Variants in ULK4 observed in about 807,000 individuals in gnomAD.
The protein encoded by ULK4 is inactive serine/threonine-protein kinase ULK4.
Under a neutral mutation model 160.6 loss-of-function variants are expected in ULK4, and 133 were observed. The ratio of observed to expected loss-of-function variants is 0.83; its 90% CI spans 0.72 to 0.96. The LOEUF (loss-of-function observed/expected upper bound fraction) is 0.96, where lower values mean the gene tolerates loss of function less well. Ranked by LOEUF, ULK4 falls within the 40% of genes least tolerant of loss-of-function variation. ULK4 has a pLI of 0.00. For missense variants in ULK4, 1,580 were observed against 1,499.5 expected (o/e 1.05, Z -0.89); for synonymous variants, 534 against 539.8 (o/e 0.99, Z 0.15).
intron 17 of ULK4, among the ~76,000 whole-genome samples, chr3:41,842,479 T>G (rs1362757536): frequency 6.6e-6 from 1 of 152,180 alleles, no homozygotes. Flanking sequence ...GTGGTAGGTA[T>G]TTGTATGATG....
intron 23 of ULK4, 126 bp from the exon 24 acceptor site, chr3:41,715,694 T>C: frequency 2.4e-6 from 3 of 1,246,688 alleles, no homozygotes; most frequent in Admixed American, 2.5e-5. Flanking sequence ...TAAGCAGATA[T>C]ACTTATTCAC....
At chr3:41,805,095 C>T (rs1354535015) in intron 19 of ULK4, among the ~76,000 whole-genome samples, 7 of 152,146 alleles carry the variant, frequency 4.6e-5, no homozygotes, top group African/African-American at 7.2e-5. Context: ...TTTCACGATA[C>T]TGATTCTTCC....
chr3:41,431,844 C>A (rs1352930468), intron 34 of ULK4, among the ~76,000 whole-genome samples: 1 of 145,952 alleles, frequency 6.9e-6, no homozygotes, highest in Non-Finnish European at 1.5e-5. Flanking sequence ...GGCTGGAGTG[C>A]AGTGGCGCGA....
chr3:41,542,699 C>G (rs1053638756), intron 32 of ULK4, among the ~76,000 whole-genome samples: 1 of 152,062 alleles, frequency 6.6e-6, no homozygotes, highest in Non-Finnish European at 1.5e-5. Context: ...AATTTCAGAA[C>G]TTATTATTGG....
At chr3:41,766,824 G>C (rs182746577) in intron 21 of ULK4, 4 of 152,216 alleles carry the variant, frequency 2.6e-5, no homozygotes, top group African/African-American at 9.6e-5. Context: ...AGCCATGAGG[G>C]AGGAAGGGGA....
intron 17 of ULK4, among the ~76,000 whole-genome samples, chr3:41,851,390 C>G (rs576367814): frequency 1.3e-5 from 2 of 152,022 alleles, no homozygotes; most frequent in Admixed American, 6.6e-5. Context: ...GATTGATTTG[C>G]GTATGTTGAA....
chr3:41,549,161 C>A (rs1489671426), intron 32 of ULK4, among the ~76,000 whole-genome samples: 2 of 152,024 alleles, frequency 1.3e-5, no homozygotes, highest in African/African-American at 2.4e-5. Flanking sequence ...ATGACACCAC[C>A]AAAGGAACAC....
At chr3:41,606,533 A>C (rs1255746332) in intron 31 of ULK4, among the ~76,000 whole-genome samples, 1 of 152,010 alleles carries the variant, frequency 6.6e-6, no homozygotes, top group Non-Finnish European at 1.5e-5. Flanking sequence ...TTTAGTTCTT[A>C]AAGAAATCTT....
intron 34 of ULK4, among the ~76,000 whole-genome samples, chr3:41,447,546 CCTTT>C (rs1298129630): frequency 6.6e-6 from 1 of 152,084 alleles, no homozygotes; most frequent in Non-Finnish European, 1.5e-5. Flanking sequence ...AGTTCCGGGG[CCTTT>C]CTTCCCTAAA....
intron 29 of ULK4, among the ~76,000 whole-genome samples, chr3:41,671,625 A>G (rs2035540123): frequency 6.6e-6 from 1 of 152,164 alleles, no homozygotes; most frequent in Non-Finnish European, 1.5e-5. Flanking sequence ...CCACTAAAAG[A>G]AAACATAGGG....
chr3:41,814,702 A>T (rs967681911), intron 19 of ULK4, among the ~76,000 whole-genome samples: 1 of 151,980 alleles, frequency 6.6e-6, no homozygotes, highest in Non-Finnish European at 1.5e-5. Flanking sequence ...CCCTTGGTTT[A>T]TTATAATTTT....
intron 21 of ULK4, among the ~76,000 whole-genome samples, chr3:41,758,140 C>T (rs866605200): frequency 3.9e-5 from 6 of 152,026 alleles, no homozygotes; most frequent in Non-Finnish European, 7.4e-5. Context: ...GACACAAAGA[C>T]GAAACTATGT....
intron 32 of ULK4, among the ~76,000 whole-genome samples, chr3:41,490,011 A>T (rs1374629996): frequency 1.3e-5 from 2 of 152,136 alleles, no homozygotes; most frequent in African/African-American, 4.8e-5. Flanking sequence ...TATGATTTGA[A>T]ACCTTGGTGG....
intron 35 of ULK4, among the ~76,000 whole-genome samples, chr3:41,378,113 C>T (rs183394271): frequency 0.041 from 6,129 of 150,546 alleles, 314 homozygotes; most frequent in East Asian, 0.19. Context: ...TGTCAGTAAA[C>T]TATTGCAAGA....
At chr3:41,382,764 T>C (rs1046618286) in intron 35 of ULK4, among the ~76,000 whole-genome samples, 2 of 152,198 alleles carry the variant, frequency 1.3e-5, no homozygotes, top group African/African-American at 2.4e-5. Context: ...TCAACTGAAC[T>C]ATACTCTTTA....
chr3:41,368,687 G>C (rs2081301314), intron 35 of ULK4, among the ~76,000 whole-genome samples: 1 of 152,032 alleles, frequency 6.6e-6, no homozygotes, highest in Non-Finnish European at 1.5e-5. Context: ...ATGTTTCCAA[G>C]GTCCATCCAT....
intron 32 of ULK4, among the ~76,000 whole-genome samples, chr3:41,534,982 T>C (rs796812480): frequency 6.6e-6 from 1 of 152,182 alleles, no homozygotes; most frequent in African/African-American, 2.4e-5. Context: ...TATATACATA[T>C]ACATACATAT....
At chr3:41,280,981 C>T (rs1423094471) in intron 35 of ULK4, among the ~76,000 whole-genome samples, 1 of 152,104 alleles carries the variant, frequency 6.6e-6, no homozygotes, top group African/African-American at 2.4e-5. Flanking sequence ...GATATCACCA[C>T]CTATCCCACA....
At chr3:41,296,069 G>A (rs977869327) in intron 35 of ULK4, among the ~76,000 whole-genome samples, 4 of 152,130 alleles carry the variant, frequency 2.6e-5, no homozygotes, top group Non-Finnish European at 5.9e-5. Context: ...ATTACTCAGC[G>A]CTAAAAAGAA....
Sources: gnomAD v4.1 joint callset for allele counts (sites outside exome capture counted in the v4.1 genomes callset) on GRCh38, gnomAD v4.1.1 for gene constraint, MANE v1.5 for transcripts, NCBI Gene and HGNC (gene_info 2026-07-23, HGNC 2026-07-21) for gene names.